THSD4: variants seen among roughly 807,000 people sequenced by gnomAD.
THSD4 encodes the protein thrombospondin type 1 domain containing 4.
In THSD4, 69 loss-of-function variants were observed where a neutral mutation model predicts 119.0. The ratio of observed to expected loss-of-function variants is 0.58; its 90% CI spans 0.48 to 0.71. THSD4 has a LOEUF of 0.71. THSD4 is among the 30% of genes least tolerant of loss of function. The probability of loss-of-function intolerance (pLI) is 0.00; values close to 1 mark genes in which losing one functional copy is unlikely to be tolerated. For missense variants in THSD4, 1,393 were observed against 1,391.1 expected (o/e 1.00, Z -0.02); for synonymous variants, 524 against 540.4 (o/e 0.97, Z 0.42).
chr15:71,647,089 T>C (rs1295736726), intron 7 of THSD4, among the ~76,000 whole-genome samples: 2 of 152,178 alleles, frequency 1.3e-5, no homozygotes, highest in African/African-American at 4.8e-5. Context: ...ATAAATACAA[T>C]CTGGATTTTA....
intron 8 of THSD4, among the ~76,000 whole-genome samples, chr15:71,669,599 C>G (rs2051482725): frequency 6.6e-6 from 1 of 151,792 alleles, no homozygotes; most frequent in Non-Finnish European, 1.5e-5. Flanking sequence ...TAAAACTTGC[C>G]CGTTTTGTTT....
At position 71,602,355 on chromosome 15, in the gene THSD4, A is replaced by ACCAAC. The variant is rs1396678368; in HGVS notation, c.1153-58173_1153-58169dup. Among the ~76,000 whole-genome samples the ACCAAC allele has an allele frequency of 4.0e-5, 6 of 151,836 alleles. No homozygotes were observed. In the South Asian group the frequency reaches 1.2e-3, roughly 32 times the overall value. On this transcript the variant is annotated intron_variant, in intron 7 of 17. Transcript: ENST00000261862. ...GATCACCTGAGGTCGGGAGTTCAAG[A>ACCAAC]CCAACCTGACCAACATGGAGAAACC... is the stretch of plus-strand genomic sequence containing the variant.
At chr15:71,453,856 A>G (rs139728264) in intron 7 of THSD4, among the ~76,000 whole-genome samples, 2 of 152,234 alleles carry the variant, frequency 1.3e-5, no homozygotes, top group African/African-American at 4.8e-5. Flanking sequence ...CACTCCAGGC[A>G]TCTCTTCCAG....
At chr15:71,097,459 C>T (rs1281449592) in intron 1 of THSD4, among the ~76,000 whole-genome samples, 4 of 151,222 alleles carry the variant, frequency 2.6e-5, no homozygotes, top group South Asian at 2.1e-4. Context: ...CCAGCTACTC[C>T]GGAGGCTAAG....
Position 71,705,310 on chromosome 15 carries a change from C to T in THSD4, c.1358-23239C>T, listed in dbSNP as rs527848975. 1.6e-4 allele frequency among the ~76,000 whole-genome samples: 25 copies of T among 152,200 alleles called. No homozygotes were observed. The South Asian group carries it at 4.8e-3, about 29-fold the overall frequency. On this transcript the variant is annotated intron_variant, in intron 8 of 17. Transcript: ENST00000261862. ...CTGTGTGTGGAGAGGAAGAGCAAGG[C>T]GGGCGGCACCTAATTTGCACACCGC...
intron 7 of THSD4, among the ~76,000 whole-genome samples, chr15:71,482,686 A>G (rs1338979764): frequency 6.6e-6 from 1 of 150,854 alleles, no homozygotes; most frequent in African/African-American, 2.4e-5. Flanking sequence ...CCCAAGTTCA[A>G]GCGATTCTCT....
intron 7 of THSD4, among the ~76,000 whole-genome samples, chr15:71,489,426 C>A (rs2047877192): frequency 6.6e-6 from 1 of 152,102 alleles, no homozygotes; most frequent in African/African-American, 2.4e-5. Flanking sequence ...TTGCATAAAT[C>A]TCAGGCCGAC....
intron 11 of THSD4, among the ~76,000 whole-genome samples, chr15:71,741,676 TGTGCATGTACACACACACAC>T (rs2053237653): frequency 7.5e-6 from 1 of 133,560 alleles, no homozygotes; most frequent in Non-Finnish European, 1.6e-5. Flanking sequence ...TACACCCATG[TGTGCATGTACACACACACAC>T]ACACACACAC....
intron 3 of THSD4, among the ~76,000 whole-genome samples, chr15:71,199,605 TGTGTGTG>T (rs2043758470): frequency 7.0e-6 from 1 of 143,316 alleles, no homozygotes; most frequent in African/African-American, 2.7e-5. Context: ...TGATGTATGG[TGTGTGTG>T]GTGTGTGGGT....
At chr15:71,534,470 A>G (rs1015181155) in intron 7 of THSD4, among the ~76,000 whole-genome samples, 3 of 152,180 alleles carry the variant, frequency 2.0e-5, no homozygotes, top group Non-Finnish European at 4.4e-5. Flanking sequence ...GTGTATCTTC[A>G]TTTGTGAACT....
intron 1 of THSD4, among the ~76,000 whole-genome samples, chr15:71,099,231 T>G (rs2040244194): frequency 1.3e-5 from 2 of 152,172 alleles, no homozygotes. Context: ...CCATGTACAC[T>G]TGAAAGAAAT....
chr15:71,358,722 C>T (rs1437213668), intron 6 of THSD4, among the ~76,000 whole-genome samples: 1 of 152,200 alleles, frequency 6.6e-6, no homozygotes, highest in African/African-American at 2.4e-5. Flanking sequence ...CAATTAGTAT[C>T]ACTTAACATC....
intron 1 of THSD4, among the ~76,000 whole-genome samples, chr15:71,129,824 G>T (rs2040487195): frequency 6.6e-6 from 1 of 152,128 alleles, no homozygotes; most frequent in South Asian, 2.1e-4. Context: ...AAAAAATAAT[G>T]ACATAACTCA....
intron 5 of THSD4, among the ~76,000 whole-genome samples, chr15:71,253,380 A>G (rs1315569189): frequency 6.6e-6 from 1 of 151,684 alleles, no homozygotes; most frequent in Admixed American, 6.6e-5. Context: ...GGGCTGGTGT[A>G]TTTGGCAGGG....
At chr15:71,146,286 T>G (rs774887050) in intron 2 of THSD4, among the ~76,000 whole-genome samples, 1 of 152,208 alleles carries the variant, frequency 6.6e-6, no homozygotes, top group Non-Finnish European at 1.5e-5. Flanking sequence ...ACCACACCCA[T>G]AAGCATTATG....
chr15:71,329,225 T>C (rs1348312803), intron 6 of THSD4, among the ~76,000 whole-genome samples: 3 of 152,106 alleles, frequency 2.0e-5, no homozygotes, highest in African/African-American at 4.8e-5. Flanking sequence ...TCCATCATTA[T>C]GGGAGGAAAA....
rs556140023 is a variant in THSD4 at position 71,307,192 on chromosome 15, A to G, written c.1015+50477A>G. Among the ~76,000 whole-genome samples, 7 of 152,244 alleles carry G rather than the reference A, an allele frequency of 4.6e-5. No homozygotes were observed. The East Asian group carries it at 7.7e-4, about 17-fold the overall frequency. Reference sequence around the variant, plus strand: ...CCTGTTGGTGGCTGAACACCTCCTCACTAGCCACGTGTTAAGGCTGGCTCA... The same window carrying G: ...CCTGTTGGTGGCTGAACACCTCCTCGCTAGCCACGTGTTAAGGCTGGCTCA... On this transcript the variant is annotated intron_variant, in intron 6 of 17. Coordinates refer to ENST00000261862, the MANE Select transcript of THSD4 (RefSeq NM_024817.3).
chr15:71,230,107 G>A (rs1301930275), intron 4 of THSD4, among the ~76,000 whole-genome samples: 1 of 152,106 alleles, frequency 6.6e-6, no homozygotes, highest in Non-Finnish European at 1.5e-5. Context: ...AGCCTCTAGG[G>A]CAGAGGGCAC....
At chr15:71,556,100 A>G (rs979371450) in intron 7 of THSD4, among the ~76,000 whole-genome samples, 1 of 152,070 alleles carries the variant, frequency 6.6e-6, no homozygotes, top group African/African-American at 2.4e-5. Flanking sequence ...ATTCTTTGGG[A>G]GTGTCTTAGT....
Sources: allele counts gnomAD v4.1 joint callset (sites outside exome capture counted in the v4.1 genomes callset), GRCh38; gene constraint gnomAD v4.1.1; transcripts MANE v1.5; gene names NCBI Gene and HGNC (gene_info 2026-07-23, HGNC 2026-07-21).